PTPRT: variants seen among roughly 807,000 people sequenced by gnomAD.
The protein encoded by PTPRT is receptor-type tyrosine-protein phosphatase T.
A neutral mutation model predicts 176.8 loss-of-function variants in PTPRT; 56 were observed. The observed-to-expected ratio is 0.32, with a 90% CI of 0.26 to 0.40. The LOEUF (loss-of-function observed/expected upper bound fraction) is 0.40. Ranked by LOEUF, PTPRT falls within the 10% of genes least tolerant of loss-of-function variation. The probability of loss-of-function intolerance (pLI) is 1.00; values close to 1 mark genes in which losing one functional copy is unlikely to be tolerated. For missense variants in PTPRT, 1,540 were observed against 1,908.2 expected, an observed-to-expected ratio of 0.81 and a Z score of 3.60; for synonymous variants, 783 against 739.0, an observed-to-expected ratio of 1.06 and a Z score of -0.96.
At chr20:42,904,179 T>C (rs565955658) in intron 1 of PTPRT, among the ~76,000 whole-genome samples, 1 of 152,338 alleles carries the variant, frequency 6.6e-6, no homozygotes, top group East Asian at 1.9e-4. Flanking sequence ...CTTCCAGCTC[T>C]ACGCACATTT....
chr20:42,113,391 C>T (rs1201987847), intron 22 of PTPRT, among the ~76,000 whole-genome samples: 1 of 152,224 alleles, frequency 6.6e-6, no homozygotes, highest in Non-Finnish European at 1.5e-5. Flanking sequence ...GGTCCTCTTC[C>T]TTGGGCCTGT....
rs115907928 is a variant in PTPRT, at chr20:42,998,037, T to C, written c.89-112105A>G. Among the ~76,000 whole-genome samples the C allele has an allele frequency of 6.1e-3, 934 of 152,286 alleles. 10 individuals are homozygous for C. Among genetic ancestry groups the C allele is most frequent in the African/African-American group, 0.022 (905 of 41,572 alleles). On this transcript the variant is annotated intron_variant, in intron 1 of 30. Transcript: ENST00000373187. ...CCCAGAGACTATGGATGAGGGAACA[T>C]TGGCTAACATTCTTTCTTTTCCTTT...
At chr20:42,142,464 G>C (rs1157111359) in intron 17 of PTPRT, among the ~76,000 whole-genome samples, 1 of 152,180 alleles carries the variant, frequency 6.6e-6, no homozygotes, top group Non-Finnish European at 1.5e-5. Flanking sequence ...AAATAAAGCA[G>C]AATAAAGGGA....
intron 1 of PTPRT, among the ~76,000 whole-genome samples, chr20:43,016,627 C>G (rs879609892): frequency 1.3e-5 from 2 of 149,606 alleles, no homozygotes; most frequent in African/African-American, 5.0e-5. Context: ...GCAACCTCCC[C>G]CTCTTGGCTT....
intron 8 of PTPRT, among the ~76,000 whole-genome samples, chr20:42,451,526 A>C (rs1449299316): frequency 6.6e-6 from 1 of 152,176 alleles, no homozygotes; most frequent in Non-Finnish European, 1.5e-5. Context: ...AAATAGGTCT[A>C]AGACTAAGTG....
At chr20:42,777,632 C>T (rs556085808) in intron 4 of PTPRT, among the ~76,000 whole-genome samples, 2 of 152,286 alleles carry the variant, frequency 1.3e-5, no homozygotes, top group South Asian at 4.1e-4. Context: ...AGGACCGAAC[C>T]TTTCTTAGTC....
intron 7 of PTPRT, among the ~76,000 whole-genome samples, chr20:42,671,723 A>G (rs886229489): frequency 3.3e-5 from 5 of 152,242 alleles, no homozygotes; most frequent in African/African-American, 1.2e-4. Flanking sequence ...TTTGATATAC[A>G]TGATCGCATT....
chr20:43,171,622 C>T (rs2015002802), intron 1 of PTPRT, among the ~76,000 whole-genome samples: 1 of 152,184 alleles, frequency 6.6e-6, no homozygotes, highest in Non-Finnish European at 1.5e-5. Context: ...TGTCTTTGTT[C>T]TCTAGACCAG....
intron 15 of PTPRT, among the ~76,000 whole-genome samples, chr20:42,201,728 G>T (rs929139778): frequency 8.9e-5 from 8 of 90,192 alleles, no homozygotes; most frequent in Non-Finnish European, 1.5e-4. Context: ...GAGAACCAGA[G>T]GCAAAAAAAA....
At chr20:42,867,255 A>G (rs1162386896) in intron 2 of PTPRT, among the ~76,000 whole-genome samples, 1 of 152,226 alleles carries the variant, frequency 6.6e-6, no homozygotes, top group Non-Finnish European at 1.5e-5. Flanking sequence ...AGAGACGAGC[A>G]TGAGGCTCAG....
intron 17 of PTPRT, among the ~76,000 whole-genome samples, chr20:42,145,251 C>T (rs1988808772): frequency 2.6e-5 from 4 of 152,176 alleles, no homozygotes; most frequent in Admixed American, 2.6e-4. Flanking sequence ...CCTGTAATCC[C>T]AGCACTTTGG....
chr20:42,584,842 T>G (rs553478406), intron 7 of PTPRT, among the ~76,000 whole-genome samples: 7 of 152,326 alleles, frequency 4.6e-5, no homozygotes, highest in African/African-American at 1.4e-4. Flanking sequence ...CGTTCTTGGA[T>G]AGAAATCTCT....
At position 42,628,624 on chromosome 20, in the gene PTPRT, A is replaced by C. The variant is rs78216324; in HGVS notation, c.1153+49242T>G. 2.8e-3 allele frequency among the ~76,000 whole-genome samples: 426 copies of C among 152,274 alleles called. 5 individuals are homozygous for C. The highest frequency in any genetic ancestry group is 9.9e-3 in the African/African-American group (410 of 41,544). ...GTGTCAGGTACTATTCCAAGCACTT[A>C]ATATACAATATCTGATTAAATTTTA... is the stretch of plus-strand genomic sequence containing the variant. On this transcript the variant is annotated intron_variant, in intron 7 of 30. Coordinates refer to ENST00000373187, the MANE Select transcript of PTPRT (RefSeq NM_007050.6).
chr20:43,151,325 A>C (rs2014347625), intron 1 of PTPRT, among the ~76,000 whole-genome samples: 1 of 151,770 alleles, frequency 6.6e-6, no homozygotes, highest in South Asian at 2.1e-4. Flanking sequence ...AACAAAAAAA[A>C]AAAAAAAAAA....
At chr20:42,182,320 A>G (rs1990558157) in intron 16 of PTPRT, among the ~76,000 whole-genome samples, 1 of 152,240 alleles carries the variant, frequency 6.6e-6, no homozygotes, top group Admixed American at 6.5e-5. Flanking sequence ...TGGCTATTTC[A>G]TAAATAAAGC....
chr20:42,041,051 T>C, the PTPRT span, among the ~76,000 whole-genome samples: 1 of 152,318 alleles, frequency 6.6e-6, no homozygotes, highest in Admixed American at 6.5e-5. Flanking sequence ...TGTGCTCACA[T>C]AGGACTCCTA....
intron 2 of PTPRT, among the ~76,000 whole-genome samples, chr20:42,877,633 C>T (rs1008966282): frequency 1.3e-5 from 2 of 152,096 alleles, no homozygotes; most frequent in African/African-American, 4.8e-5. Context: ...AAACATTTGC[C>T]GCTACCTACT....
chr20:42,061,886 C>CA, the PTPRT span, among the ~76,000 whole-genome samples: 1 of 152,290 alleles, frequency 6.6e-6, no homozygotes, highest in East Asian at 1.9e-4. Flanking sequence ...AGGCCTGATG[C>CA]AAAAAACTGC....
intron 1 of PTPRT, among the ~76,000 whole-genome samples, chr20:43,187,571 G>A (rs1038634680): frequency 6.6e-6 from 1 of 152,058 alleles, no homozygotes; most frequent in Admixed American, 6.6e-5. Context: ...AATGTGTGAG[G>A]CTTAGAATGC....
Sources: allele counts gnomAD v4.1 joint callset (sites outside exome capture counted in the v4.1 genomes callset), GRCh38; gene constraint gnomAD v4.1.1; transcripts MANE v1.5; gene names NCBI Gene and HGNC (gene_info 2026-07-23, HGNC 2026-07-21).